Variants in ZNF721 observed in about 807,000 individuals in gnomAD.
ZNF721 encodes the protein zinc finger protein 721.
ZNF721 carries 2 observed loss-of-function variants against 2.4 expected under a neutral mutation model. The observed-to-expected ratio is 0.82, with a 90% CI of 0.34 to 2.58. The LOEUF (loss-of-function observed/expected upper bound fraction) is 2.58, where lower values mean the gene tolerates loss of function less well. Among genes scored for constraint, ZNF721 ranks in the 30% most tolerant of loss-of-function variants. The pLI is 0.11. For missense variants in ZNF721, 1,187 were observed against 1,085.5 expected (o/e 1.09, Z -1.31); for synonymous variants, 398 against 381.8 (o/e 1.04, Z -0.50).
At chr4:447,252 G>A (rs529164806) in intron 2 of ZNF721, among the ~76,000 whole-genome samples, 1 of 152,118 alleles carries the variant, frequency 6.6e-6, no homozygotes, top group Non-Finnish European at 1.5e-5. Context: ...AACCCAGGAG[G>A]CAGAGCTTGC....
At chr4:464,198 C>T (rs532510139) in intron 2 of ZNF721, among the ~76,000 whole-genome samples, 10 of 152,212 alleles carry the variant, frequency 6.6e-5, no homozygotes, top group South Asian at 2.1e-4. Flanking sequence ...AGGCTGGGTG[C>T]GGTTGCGCAC....
At chr4:492,034 G>T (rs1241322720) in intron 1 of ZNF721, among the ~76,000 whole-genome samples, 8 of 151,668 alleles carry the variant, frequency 5.3e-5, no homozygotes, top group African/African-American at 1.9e-4. Context: ...TGGCCGGCGG[G>T]CGCCTGTAGT....
chr4:485,415 G>A (rs1715868724), intron 1 of ZNF721, among the ~76,000 whole-genome samples: 1 of 151,768 alleles, frequency 6.6e-6, no homozygotes, highest in Admixed American at 6.6e-5. Context: ...TAGTATGTGT[G>A]GAACTGGTTT....
In ZNF721 at chr4:443,940, C is replaced by G. The variant is rs1714376975; in HGVS notation, c.527G>C (p.Arg176Thr). The change falls in exon 3 of 3, where the codon AGG (arginine) becomes ACG (threonine). Residue 176 changes from arginine to threonine, a missense_variant. Transcript: ENST00000511833. ...KCEECGKAFN[R>T]STNLTAHKRI... ...CTTATGTGCAGTAAGGTTTGTTGAC[C>G]TATTAAAGGCTTTGCCACATTCTTC... 1 of 1,612,254 alleles carries G rather than the reference C, an allele frequency of 6.2e-7. No individual in the cohort carries two copies. The highest frequency in any genetic ancestry group is 8.5e-7 in the Non-Finnish European group (1 of 1,179,582).
intron 2 of ZNF721, among the ~76,000 whole-genome samples, chr4:457,775 T>C (rs1358971235): frequency 6.6e-6 from 1 of 152,142 alleles, no homozygotes; most frequent in Non-Finnish European, 1.5e-5. Flanking sequence ...TCCGGAAGAA[T>C]TTTTTCCTAA....
chr4:476,602 C>A (rs78537406), intron 1 of ZNF721, among the ~76,000 whole-genome samples: 2,025 of 152,280 alleles, frequency 0.013, 46 homozygotes, highest in African/African-American at 0.045. Flanking sequence ...ATCGACTGAG[C>A]AGTTGATCTA....
intron 1 of ZNF721, among the ~76,000 whole-genome samples, chr4:493,096 AGATT>A (rs748389319): frequency 7.1e-4 from 107 of 151,698 alleles, no homozygotes; most frequent in Non-Finnish European, 1.3e-3. Flanking sequence ...TTGTTTACCT[AGATT>A]ATTTATGATA....
chr4:459,708 G>A (rs1714958000), intron 2 of ZNF721, among the ~76,000 whole-genome samples: 1 of 152,002 alleles, frequency 6.6e-6, no homozygotes, highest in African/African-American at 2.4e-5. Flanking sequence ...GCGGGCGCCT[G>A]TAGTCCCAGC....
chr4:457,811 T>C (rs1480136251), intron 2 of ZNF721, among the ~76,000 whole-genome samples: 1 of 152,210 alleles, frequency 6.6e-6, no homozygotes, highest in Non-Finnish European at 1.5e-5. Context: ...AAGACACACC[T>C]GTATGTGCCC....
At chr4:497,145 C>G (rs1470544134) in intron 1 of ZNF721, among the ~76,000 whole-genome samples, 1 of 151,722 alleles carries the variant, frequency 6.6e-6, no homozygotes, top group Non-Finnish European at 1.5e-5. Context: ...GGGGCTCAAG[C>G]TGAAGACGGC....
intron 2 of ZNF721, among the ~76,000 whole-genome samples, chr4:463,956 T>C (rs1321953241): frequency 6.6e-6 from 1 of 151,950 alleles, no homozygotes; most frequent in African/African-American, 2.4e-5. Flanking sequence ...TAACAGAGAA[T>C]TCAAAATAAT....
chr4:442,557 C>T lies in ZNF721; in HGVS notation c.1910G>A (p.Gly637Glu). Residue 637 changes from glycine to glutamate, a missense_variant, in exon 3 of 3, where the codon GGG becomes GAG. Coordinates refer to ENST00000511833, the MANE Select transcript of ZNF721 (RefSeq NM_133474.4). ...DLNQQKKIYTGEKPYKCEECG... is the reference protein window; with the variant it reads ...DLNQQKKIYTEEKPYKCEECG... ...CTCTTCACATTTGTAAGGTTTCTCC[C>T]CAGTGTAAATTTTCTTCTGTTGATT... The T allele has an allele frequency of 1.2e-6, 2 of 1,613,846 alleles. No homozygotes were observed. The highest frequency in any genetic ancestry group is 1.7e-6 in the Non-Finnish European group (2 of 1,179,876).
intron 2 of ZNF721, chr4:454,194 A>C (rs1348877763): frequency 6.6e-6 from 1 of 152,220 alleles, no homozygotes; most frequent in Non-Finnish European, 1.5e-5. Context: ...ACGGGTGGTG[A>C]TACCTGCCCC....
chr4:450,950 AAAAAAAATATATAT>A (rs1172473037), intron 2 of ZNF721, among the ~76,000 whole-genome samples: 19 of 45,036 alleles, frequency 4.2e-4, no homozygotes, highest in African/African-American at 1.5e-3. Flanking sequence ...AAAAAAAAAA[AAAAAAAATATATAT>A]ATATATATAT....
Position 443,479 on chromosome 4 carries a change from C to T in ZNF721, c.988G>A (p.Glu330Lys). Residue 330 changes from glutamate (E) to lysine (K), a missense_variant, in exon 3 of 3, where the codon GAG becomes AAG. By Grantham distance (56) the Glu-to-Lys change is moderately conservative. Coordinates refer to ENST00000511833, the MANE Select transcript of ZNF721 (RefSeq NM_133474.4). The stretch of plus-strand genomic sequence containing the variant: ...CATTCTCCACATGTGTAGGGTTTCT[C>T]TCCAGTATGAATTCTCCTATGTACA... ...LYVHRRIHTG[E>K]KPYTCGECGK... 6.8e-6 allele frequency: 11 copies of T among 1,613,864 alleles called. No individual in the cohort carries two copies. Among genetic ancestry groups the T allele is most frequent in the Non-Finnish European group, 9.3e-6 (11 of 1,179,848 alleles).
At chr4:462,841 G>C (rs1395145438) in intron 2 of ZNF721, among the ~76,000 whole-genome samples, 1 of 152,130 alleles carries the variant, frequency 6.6e-6, no homozygotes, top group Non-Finnish European at 1.5e-5. Flanking sequence ...ACACGGGCAT[G>C]GGCAAAGACT....
At chr4:488,799 C>T (rs1467296891) in intron 1 of ZNF721, among the ~76,000 whole-genome samples, 2 of 151,764 alleles carry the variant, frequency 1.3e-5, no homozygotes, top group African/African-American at 2.4e-5. Context: ...CACTGCATTC[C>T]GGCCTGGCAA....
At chr4:464,115 A>G (rs1340079058) in intron 2 of ZNF721, among the ~76,000 whole-genome samples, 2 of 152,232 alleles carry the variant, frequency 1.3e-5, no homozygotes, top group African/African-American at 2.4e-5. Flanking sequence ...GAACTAAAAA[A>G]TTTTAACAGA....
chr4:455,165 T>A (rs1210416469), intron 2 of ZNF721, among the ~76,000 whole-genome samples: 1 of 152,208 alleles, frequency 6.6e-6, no homozygotes, highest in South Asian at 2.1e-4. Context: ...CATTTGCTTA[T>A]ATACCTACAT....
Sources: allele counts gnomAD v4.1 joint callset (sites outside exome capture counted in the v4.1 genomes callset), GRCh38; gene constraint gnomAD v4.1.1; transcripts MANE v1.5; gene names NCBI Gene and HGNC (gene_info 2026-07-23, HGNC 2026-07-21).